The following VPS13B variants were observed in gnomAD, a reference collection of about 807,000 sequenced individuals.
The protein encoded by VPS13B is intermembrane lipid transfer protein VPS13B.
Under a neutral mutation model 426.4 loss-of-function variants are expected in VPS13B, and 285 were observed. That is an observed-to-expected ratio of 0.67 (90% CI 0.61 to 0.74). The LOEUF is 0.74. Among genes scored for constraint, VPS13B ranks in the 30% least tolerant of loss-of-function variants. VPS13B has a pLI of 0.00. For synonymous variants in VPS13B, 1,676 were observed against 1,676.4 expected (o/e 1.00, Z 0.01); for missense variants, 4,537 against 4,782.6 (o/e 0.95, Z 1.51).
chr8:99,154,376 T>C (rs1255994236), intron 14 of VPS13B, among the ~76,000 whole-genome samples: 2 of 152,182 alleles, frequency 1.3e-5, no homozygotes, highest in African/African-American at 4.8e-5. Context: ...GGTTTTTTTT[T>C]GGTTTGCTTT....
intron 17 of VPS13B, among the ~76,000 whole-genome samples, chr8:99,220,780 CTTTTTTTTT>C (rs5893485): frequency 7.1e-5 from 8 of 112,962 alleles, no homozygotes; most frequent in South Asian, 3.2e-4. Flanking sequence ...TAGTTTTATT[CTTTTTTTTT>C]TTTTTTTTTT....
intron 17 of VPS13B, among the ~76,000 whole-genome samples, chr8:99,226,085 C>T (rs1035615302): frequency 2.0e-4 from 30 of 152,124 alleles, no homozygotes; most frequent in African/African-American, 6.7e-4. Context: ...GTTGGGACTA[C>T]AGGTGCCCGC....
intron 16 of VPS13B, among the ~76,000 whole-genome samples, chr8:99,189,494 C>A (rs1813429164): frequency 6.6e-6 from 1 of 151,916 alleles, no homozygotes; most frequent in Non-Finnish European, 1.5e-5. Context: ...TTGTTTGTGA[C>A]ACATTGTGCA....
chr8:99,496,568 G>C (rs527402257), intron 25 of VPS13B, among the ~76,000 whole-genome samples: 1 of 151,930 alleles, frequency 6.6e-6, no homozygotes, highest in Non-Finnish European at 1.5e-5. Context: ...GGAGAATGGC[G>C]TGAACCCGGG....
At chr8:99,817,423 A>T in intron 44 of VPS13B, 117 bp from the exon 45 acceptor site, 2 of 1,363,086 alleles carry the variant, frequency 1.5e-6, no homozygotes, top group East Asian at 2.3e-5. Context: ...TGTTTAAGCT[A>T]ATTACTTCAT....
intron 3 of VPS13B, among the ~76,000 whole-genome samples, chr8:99,047,475 C>A (rs77909982): frequency 0.039 from 5,936 of 152,042 alleles, 171 homozygotes; most frequent in Non-Finnish European, 0.055. Flanking sequence ...TTTTAAAGAA[C>A]CAGCTTTTTG....
chr8:99,164,432 C>T (rs1811872893), intron 15 of VPS13B, among the ~76,000 whole-genome samples: 1 of 152,142 alleles, frequency 6.6e-6, no homozygotes, highest in Admixed American at 6.5e-5. Flanking sequence ...ACACTCTTCC[C>T]CTAAAAAGGT....
chr8:99,775,358 G>T (rs887796334), intron 40 of VPS13B, among the ~76,000 whole-genome samples: 1 of 152,184 alleles, frequency 6.6e-6, no homozygotes, highest in Non-Finnish European at 1.5e-5. Flanking sequence ...TAGCTACAGA[G>T]CATATTTCAG....
At chr8:99,559,748 TCTG>T (rs1297501098) in intron 31 of VPS13B, among the ~76,000 whole-genome samples, 1 of 152,196 alleles carries the variant, frequency 6.6e-6, no homozygotes, top group Non-Finnish European at 1.5e-5. Flanking sequence ...AGGGCTCTAT[TCTG>T]TTCCATTGTT....
At chr8:99,646,906 G>C (rs1414871367) in intron 34 of VPS13B, among the ~76,000 whole-genome samples, 1 of 152,066 alleles carries the variant, frequency 6.6e-6, no homozygotes, top group East Asian at 1.9e-4. Context: ...TAGAAGCCAA[G>C]CAGATGTTAG....
intron 17 of VPS13B, among the ~76,000 whole-genome samples, chr8:99,195,580 T>C (rs1281759803): frequency 6.6e-6 from 1 of 152,242 alleles, no homozygotes; most frequent in Non-Finnish European, 1.5e-5. Flanking sequence ...TTTTGTTTGA[T>C]GCAGTCCCAT....
intron 21 of VPS13B, 144 bp downstream of exon 21, chr8:99,391,848 A>T: frequency 8.6e-7 from 1 of 1,163,064 alleles, no homozygotes; most frequent in Non-Finnish European, 1.2e-6. Flanking sequence ...CAACATTAGC[A>T]ATAATCACAG....
At chr8:99,578,980 T>C (rs1216613152) in intron 33 of VPS13B, among the ~76,000 whole-genome samples, 1 of 152,190 alleles carries the variant, frequency 6.6e-6, no homozygotes, top group Non-Finnish European at 1.5e-5. Flanking sequence ...CCGTAAACTA[T>C]ATAGGCATTG....
chr8:99,287,714 A>G (rs1174761403), intron 19 of VPS13B, among the ~76,000 whole-genome samples: 2 of 152,086 alleles, frequency 1.3e-5, no homozygotes, highest in Non-Finnish European at 2.9e-5. Flanking sequence ...ATCAAAACAC[A>G]TAAAAAATTC....
intron 39 of VPS13B, among the ~76,000 whole-genome samples, chr8:99,760,272 T>C (rs2130587553): frequency 6.6e-6 from 1 of 152,338 alleles, no homozygotes; most frequent in East Asian, 1.9e-4. Context: ...CATGAGCCAC[T>C]ATGCCCGGCC....
intron 24 of VPS13B, among the ~76,000 whole-genome samples, chr8:99,478,447 G>GTTTTTTTTTTTTTTTTTGTTTTTTTT (rs1819826219): frequency 1.2e-5 from 1 of 85,778 alleles, no homozygotes; most frequent in Non-Finnish European, 2.1e-5. Flanking sequence ...TTTTTGTTTT[G>GTTTTTTTTTTTTTTTTTGTTTTTTTT]TTTTTTTTTT....
At position 99,784,175 on chromosome 8, in the gene VPS13B, A is replaced by G. The variant is rs1387258370; in HGVS notation, c.7780-140A>G. ...ATGTGTGTGCTTATCCTGGCAGTAT[A>G]GAATACTTTGTATACCAGAGCTAAT... On this transcript the variant is annotated intron_variant, in intron 42 of 61. Coordinates refer to ENST00000357162, the MANE Select transcript of VPS13B (RefSeq NM_152564.5). 5 of 1,022,842 alleles carry G rather than the reference A, an allele frequency of 4.9e-6. No individual in the cohort carries two copies. The Admixed American group carries it at 8.7e-5, about 18-fold the overall frequency. 63.4% of individuals were successfully genotyped at this position (1,022,842 alleles called of 1,614,324 possible).
intron 19 of VPS13B, among the ~76,000 whole-genome samples, chr8:99,351,508 G>A (rs1182819636): frequency 1.3e-5 from 2 of 151,712 alleles, no homozygotes; most frequent in African/African-American, 2.4e-5. Flanking sequence ...ATCTTCGAAT[G>A]TGTTCACCTT....
intron 36 of VPS13B, among the ~76,000 whole-genome samples, chr8:99,700,984 G>C (rs1832254266): frequency 6.6e-6 from 1 of 152,136 alleles, no homozygotes; most frequent in Admixed American, 6.5e-5. Flanking sequence ...TTATCAAAAA[G>C]TAATTAAATT....
Sources: gnomAD v4.1 joint callset for allele counts (sites outside exome capture counted in the v4.1 genomes callset) on GRCh38, gnomAD v4.1.1 for gene constraint, MANE v1.5 for transcripts, NCBI Gene and HGNC (gene_info 2026-07-23, HGNC 2026-07-21) for gene names.